Variants in FH observed in about 807,000 individuals in gnomAD.
The protein encoded by FH is fumarate hydratase.
Under a neutral mutation model 49.4 loss-of-function variants are expected in FH, and 22 were observed. The observed-to-expected ratio is 0.45, with a 90% CI of 0.32 to 0.64. The LOEUF (loss-of-function observed/expected upper bound fraction) is 0.64. Among genes scored for constraint, FH ranks in the 30% least tolerant of loss-of-function variants. The probability of loss-of-function intolerance (pLI) is 0.05; values close to 1 mark genes in which losing one functional copy is unlikely to be tolerated. For missense variants in FH, 526 were observed against 641.5 expected, an observed-to-expected ratio of 0.82 and a Z score of 1.95; for synonymous variants, 208 against 223.0, an observed-to-expected ratio of 0.93 and a Z score of 0.60.
rs1057521425 is a variant in FH at position 241,512,091 on chromosome 1, C to T, written c.431G>A (p.Gly144Glu). The stretch of plus-strand genomic sequence containing the variant: ...ATTCATATTTGTCTGAGTTCCTGAT[C>T]CAGTCTGCCATACCACGAGAGGAAA... ...DHFPLVVWQT[G>E]SGTQTNMNVN... Residue 144 changes from glycine to glutamate, a missense_variant, in exon 4 of 10, where the codon GGA becomes GAA. This residue lies in a region of FH where 383 missense variants were observed against 514.0 expected (regional missense o/e 0.75). Transcript: ENST00000366560. The T allele has an allele frequency of 1.2e-6, 2 of 1,613,760 alleles. No homozygotes were observed. The highest frequency in any genetic ancestry group is 2.7e-5 in the African/African-American group (2 of 74,892).
intron 3 of FH, among the ~76,000 whole-genome samples, chr1:241,513,312 T>C (rs1365333974): frequency 4.6e-5 from 7 of 152,044 alleles, no homozygotes; most frequent in Admixed American, 2.0e-4. Context: ...AAATAAAAAA[T>C]CAAGTAAAGT....
Position 241,500,599 on chromosome 1 carries a change from G to A in FH, c.1237-9C>T, listed in dbSNP as rs767413280. 19 of 1,578,754 alleles carry A rather than the reference G, an allele frequency of 1.2e-5. No individual in the cohort carries two copies. In the East Asian group the frequency reaches 2.1e-4, roughly 17 times the overall value. ...TGTAACACATTTTTAATCTTTGAGTGAGTGAGAGAGAGAGAGAGAGAGAGA... is the reference window on the plus strand; with the variant it reads ...TGTAACACATTTTTAATCTTTGAGTAAGTGAGAGAGAGAGAGAGAGAGAGA... On this transcript the variant is annotated splice_polypyrimidine_tract_variant and intron_variant, in intron 8 of 9. Transcript: ENST00000366560.
At position 241,500,488 on chromosome 1, in the gene FH, T is replaced by A. The variant is rs863223977; in HGVS notation, c.1339A>T (p.Lys447Ter). The A allele has an allele frequency of 6.2e-7, 1 of 1,614,076 alleles. No homozygotes were observed. The highest frequency in any genetic ancestry group is 8.5e-7 in the Non-Finnish European group (1 of 1,179,990). Residue 447 changes from lysine (K) to a stop codon, truncating the protein, a stop_gained, in exon 9 of 10, where the codon AAG (lysine) becomes TAG (stop). Coordinates refer to ENST00000366560, the MANE Select transcript of FH (RefSeq NM_000143.4). LOFTEE classifies it high-confidence loss of function. ...GIQANTERINKLMNESLMLVT... is the reference protein window; with the variant it reads ...GIQANTERIN ...AACATTAGAGACTCATTCATCAGCTTGTTGATCCTTTCTGTATTGGCCTGG... is the reference window on the plus strand; with the variant it reads ...AACATTAGAGACTCATTCATCAGCTAGTTGATCCTTTCTGTATTGGCCTGG...
At chr1:241,507,307 A>G (rs1327604922) in intron 5 of FH, among the ~76,000 whole-genome samples, 1 of 152,182 alleles carries the variant, frequency 6.6e-6, no homozygotes, top group Non-Finnish European at 1.5e-5. Context: ...GGTGTATAGA[A>G]GGCTATACCA....
Position 241,504,368 on chromosome 1 carries a change from T to C in FH, c.905-123A>G, listed in dbSNP as rs777888212. On this transcript the variant is annotated intron_variant, in intron 6 of 9. Coordinates refer to ENST00000366560, the MANE Select transcript of FH (RefSeq NM_000143.4). Reference sequence around the variant, plus strand: ...ATAAAAATTTTACTTCAGAAAAAAATGTTTACTTAAGACTCAAATTTTGTC... The same window carrying C: ...ATAAAAATTTTACTTCAGAAAAAAACGTTTACTTAAGACTCAAATTTTGTC... 17 of 935,338 alleles carry C rather than the reference T, an allele frequency of 1.8e-5. No homozygotes were observed. In the East Asian group the frequency reaches 3.9e-4, roughly 22 times the overall value. The allele number at this position is 935,338 out of a possible 1,614,324, so 57.9% of individuals were successfully genotyped here.
At position 241,502,573 on chromosome 1, in the gene FH, T is replaced by A; in HGVS notation, c.1109-3A>T. The A allele has an allele frequency of 6.2e-7, 1 of 1,614,054 alleles. No individual in the cohort carries two copies. Among genetic ancestry groups the A allele is most frequent in the Non-Finnish European group, 8.5e-7 (1 of 1,179,962 alleles). On this transcript the variant is annotated splice_region_variant and splice_polypyrimidine_tract_variant and intron_variant, in intron 7 of 9. Coordinates refer to ENST00000366560, the MANE Select transcript of FH (RefSeq NM_000143.4). Reference sequence around the variant, plus strand: ...ACACTGAGTAGGGTTCACCTTGCCTTCAAGAAAACCACCAATGACAGAGTA... The same window carrying A: ...ACACTGAGTAGGGTTCACCTTGCCTACAAGAAAACCACCAATGACAGAGTA...
chr1:241,512,411 C>G (rs566145740), intron 3 of FH, among the ~76,000 whole-genome samples: 2 of 152,184 alleles, frequency 1.3e-5, no homozygotes, highest in Non-Finnish European at 2.9e-5. Context: ...CTGGCAAATA[C>G]GTTTAGTCTC....
At chr1:241,498,002 T>G (rs1279813918) in intron 9 of FH, 32 bp from the exon 10 acceptor site, 1 of 1,612,494 alleles carries the variant, frequency 6.2e-7, no homozygotes, top group Admixed American at 1.7e-5. Flanking sequence ...GACATATGGG[T>G]TAGCAGTGAT....
At chr1:241,515,246 G>T (rs551102732) in intron 2 of FH, among the ~76,000 whole-genome samples, 20 of 152,246 alleles carry the variant, frequency 1.3e-4, no homozygotes, top group African/African-American at 4.3e-4. Context: ...GACCCCAGGT[G>T]TCTGCCTTTC....
intron 6 of FH, among the ~76,000 whole-genome samples, chr1:241,505,240 C>T (rs1410301115): frequency 6.6e-6 from 1 of 152,004 alleles, no homozygotes; most frequent in Non-Finnish European, 1.5e-5. Flanking sequence ...GTTTCTTTGT[C>T]CACTTTACTG....
intron 2 of FH, among the ~76,000 whole-genome samples, chr1:241,516,216 A>G (rs1660206950): frequency 6.6e-6 from 1 of 152,238 alleles, no homozygotes; most frequent in Non-Finnish European, 1.5e-5. Flanking sequence ...CTGCCAAATA[A>G]AAATCCAAAA....
intron 8 of FH, among the ~76,000 whole-genome samples, chr1:241,500,829 A>G (rs1033539705): frequency 6.6e-6 from 1 of 152,204 alleles, no homozygotes; most frequent in Non-Finnish European, 1.5e-5. Flanking sequence ...ACATAAATAC[A>G]AATGACTAAA....
chr1:241,503,471 C>T (rs1659833421), intron 7 of FH, among the ~76,000 whole-genome samples: 1 of 152,186 alleles, frequency 6.6e-6, no homozygotes, highest in Non-Finnish European at 1.5e-5. Context: ...CATGTATTCT[C>T]TTCCTTCACC....
At position 241,512,037 on chromosome 1, in the gene FH, A is replaced by G. The variant is rs752857980; in HGVS notation, c.485T>C (p.Ile162Thr). 1 of 1,613,962 alleles carries G rather than the reference A, an allele frequency of 6.2e-7. No homozygotes were observed. The highest frequency in any genetic ancestry group is 1.1e-5 in the South Asian group (1 of 91,072). Residue 162 changes from isoleucine (I) to threonine (T), a missense_variant, in exon 4 of 10, where the codon ATT becomes ACT. This residue lies in a region of FH where 383 missense variants were observed against 514.0 expected (regional missense o/e 0.75). Coordinates refer to ENST00000366560, the MANE Select transcript of FH (RefSeq NM_000143.4). ...GCCAAGTTCACCTCCTAACATTTCA[A>G]TTGCTCTATTGCTAATGACTTCATT... ...NVNEVISNRA[I>T]EMLGGELGSK...
intron 1 of FH, 123 bp downstream of exon 1, chr1:241,519,468 C>A (rs1452729724): frequency 3.6e-5 from 45 of 1,251,254 alleles, no homozygotes; most frequent in Non-Finnish European, 4.5e-5. Context: ...GCGCTAAGCC[C>A]AGAGTCTGGC....
intron 1 of FH, 96 bp downstream of exon 1, chr1:241,519,495 G>C (rs959952482): frequency 7.0e-7 from 1 of 1,426,062 alleles, no homozygotes; most frequent in Non-Finnish European, 9.4e-7. Context: ...CGGACGCCCG[G>C]GGAATCTCTC....
intron 2 of FH, among the ~76,000 whole-genome samples, chr1:241,516,552 T>C (rs972908972): frequency 1.3e-5 from 2 of 152,222 alleles, no homozygotes; most frequent in South Asian, 2.1e-4. Flanking sequence ...GGTTTTAATA[T>C]CTAGGTGATG....
chr1:241,511,491 A>G (rs2147921400), intron 4 of FH, among the ~76,000 whole-genome samples: 1 of 152,318 alleles, frequency 6.6e-6, no homozygotes, highest in African/African-American at 2.4e-5. Context: ...AATGTAATGT[A>G]TAGCATTGAT....
At position 241,517,326 on chromosome 1, in the gene FH, A is replaced by G. The variant is rs1660247033; in HGVS notation, c.133-10T>C. ...AGGAATTTTGGCTTGCCTAAAGACA[A>G]GAATACAACACTATTACAAGTTGAA... On this transcript the variant is annotated splice_polypyrimidine_tract_variant and intron_variant, in intron 1 of 9. Transcript: ENST00000366560. The G allele has an allele frequency of 2.5e-6, 4 of 1,613,940 alleles. No individual in the cohort carries two copies. In the East Asian group the frequency reaches 8.9e-5, roughly 36 times the overall value.
Sources: gnomAD v4.1 joint callset for allele counts (sites outside exome capture counted in the v4.1 genomes callset) on GRCh38, gnomAD v4.1.1 for gene constraint, gnomAD v4.1.1 regional missense constraint, MANE v1.5 for transcripts, NCBI Gene and HGNC (gene_info 2026-07-23, HGNC 2026-07-21) for gene names.